Variants in METTL16 observed in about 807,000 individuals in gnomAD.
The protein encoded by METTL16 is methyltransferase 16, RNA N6-adenosine.
METTL16 carries 19 observed loss-of-function variants against 57.9 expected under a neutral mutation model. The observed-to-expected ratio is 0.33, with a 90% CI of 0.23 to 0.48. The LOEUF (loss-of-function observed/expected upper bound fraction) is 0.48, where lower values mean the gene tolerates loss of function less well. METTL16 is among the 20% of genes least tolerant of loss of function. METTL16 has a pLI of 0.99. For missense variants in METTL16, 434 were observed against 691.5 expected (o/e 0.63, Z 4.18); for synonymous variants, 246 against 255.6 (o/e 0.96, Z 0.36).
chr17:2,470,559 A>C (rs543390388), intron 4 of METTL16, among the ~76,000 whole-genome samples: 1 of 152,352 alleles, frequency 6.6e-6, no homozygotes, highest in African/African-American at 2.4e-5. Flanking sequence ...CTGTAACTCC[A>C]GCACTTTGGG....
At chr17:2,429,896 T>C (rs1449656137) in intron 8 of METTL16, among the ~76,000 whole-genome samples, 1 of 149,512 alleles carries the variant, frequency 6.7e-6, no homozygotes, top group African/African-American at 2.5e-5. Flanking sequence ...CAGCAACCTC[T>C]GCCTACCGGG....
chr17:2,463,796 A>T (rs2067170851), intron 6 of METTL16, among the ~76,000 whole-genome samples: 1 of 151,906 alleles, frequency 6.6e-6, no homozygotes, highest in Non-Finnish European at 1.5e-5. Context: ...GAGCACTAGG[A>T]TTACTTTTGC....
At chr17:2,430,503 C>A (rs1026563769) in intron 8 of METTL16, among the ~76,000 whole-genome samples, 1 of 148,006 alleles carries the variant, frequency 6.8e-6, no homozygotes, top group Non-Finnish European at 1.5e-5. Flanking sequence ...GCAAGCTCCG[C>A]CTCCCGGGTT....
At chr17:2,450,011 ACT>A (rs1177645811) in intron 6 of METTL16, among the ~76,000 whole-genome samples, 1 of 152,178 alleles carries the variant, frequency 6.6e-6, no homozygotes, top group Non-Finnish European at 1.5e-5. Context: ...GTCAACGGAA[ACT>A]CTCAGATATT....
rs145829218 is a variant in METTL16, at chr17:2,429,334, G to A, written c.889-8430C>T. On this transcript the variant is annotated intron_variant, in intron 8 of 9. Transcript: ENST00000263092. ...CTCCCAAGTAGATGGGACTACAGGC[G>A]TGTATCATCACACCCGACTAAATTT... Among the ~76,000 whole-genome samples the A allele has an allele frequency of 2.7e-3, 405 of 150,782 alleles. 1 individual carries two copies. The highest frequency in any genetic ancestry group is 9.2e-3 in the African/African-American group (377 of 40,966).
intron 8 of METTL16, among the ~76,000 whole-genome samples, chr17:2,432,998 G>T (rs143922360): frequency 6.6e-6 from 1 of 152,322 alleles, no homozygotes; most frequent in African/African-American, 2.4e-5. Flanking sequence ...ATGCAAGAAG[G>T]TTTTGGTGTT....
chr17:2,495,671 G>C (rs978577366), intron 2 of METTL16, among the ~76,000 whole-genome samples: 5 of 147,762 alleles, frequency 3.4e-5, no homozygotes, highest in Non-Finnish European at 7.4e-5. Context: ...CCCCAGCCTG[G>C]GTGACAGAGA....
At chr17:2,501,740 C>T (rs972472968) in intron 2 of METTL16, among the ~76,000 whole-genome samples, 1 of 151,974 alleles carries the variant, frequency 6.6e-6, no homozygotes, top group African/African-American at 2.4e-5. Context: ...CGCCTGTAAT[C>T]CCAGCTACTC....
chr17:2,417,916 T>C lies in METTL16; in HGVS notation c.*2054A>G, dbSNP rs1308605650. The C allele has an allele frequency of 6.6e-6, 1 of 152,196 alleles. No homozygotes were observed. Among genetic ancestry groups the C allele is most frequent in the East Asian group, 1.9e-4 (1 of 5,206 alleles). The allele number at this position is 152,196 out of a possible 1,614,324, so 9.4% of individuals were successfully genotyped here. On this transcript the variant is annotated 3_prime_UTR_variant, in exon 10 of 10. Coordinates refer to ENST00000263092, the MANE Select transcript of METTL16 (RefSeq NM_024086.4). ...CACTTAAACAATTATCCTAAAATTA[T>C]ACCAAGGAAACTAGGTTTGGGCCCA...
Position 2,420,815 on chromosome 17 carries a change from G to A in METTL16, c.978C>T (p.Leu326=), listed in dbSNP as rs758334891. 1 of 1,614,242 alleles carries A rather than the reference G, an allele frequency of 6.2e-7. No individual in the cohort carries two copies. The change falls in exon 9 of 10, where the codon CTC becomes CTT. Residue 326 remains leucine, a synonymous_variant. Coordinates refer to ENST00000263092, the MANE Select transcript of METTL16 (RefSeq NM_024086.4). This position sits in a 1 kb window ranked among gnomAD's most constrained non-coding sequence, Gnocchi z 5.4. The part of the protein sequence containing the change: ...VLASVMKELS[L]KASPLRSETA... ...TCTCCGAGCGCAGAGGTGATGCTTTGAGGGATAATTCCTTCATCACGGACG... is the reference window on the plus strand; with the variant it reads ...TCTCCGAGCGCAGAGGTGATGCTTTAAGGGATAATTCCTTCATCACGGACG...
intron 2 of METTL16, among the ~76,000 whole-genome samples, chr17:2,497,153 G>A (rs967629399): frequency 3.3e-5 from 5 of 150,456 alleles, no homozygotes; most frequent in Admixed American, 6.6e-5. Context: ...TCACAAGTGC[G>A]CACCATCACG....
intron 2 of METTL16, among the ~76,000 whole-genome samples, chr17:2,490,186 TC>T (rs139933534): frequency 0.03 from 4,556 of 152,254 alleles, 95 homozygotes; most frequent in Non-Finnish European, 0.048. Flanking sequence ...GGTGGAGACT[TC>T]CTTCACCTCA....
At position 2,420,979 on chromosome 17, in the gene METTL16, C is replaced by CA. The variant is rs1555614306; in HGVS notation, c.889-76dup. 4.0e-6 allele frequency: 6 copies of CA among 1,513,960 alleles called. No homozygotes were observed. Among genetic ancestry groups the CA allele is most frequent in the Non-Finnish European group, 4.5e-6 (5 of 1,115,818 alleles). 93.8% of individuals were successfully genotyped at this position (1,513,960 alleles called of 1,614,324 possible). ...TAAACCTCATGCATTGTAATGAACTCAGAGAAAATTTCCACAACTTCTGCT... is the reference window on the plus strand; with the variant it reads ...TAAACCTCATGCATTGTAATGAACTCAAGAGAAAATTTCCACAACTTCTGCT... On this transcript the variant is annotated intron_variant, in intron 8 of 9. Coordinates refer to ENST00000263092, the MANE Select transcript of METTL16 (RefSeq NM_024086.4). The surrounding 1 kb of genome is among the most constrained non-coding windows in gnomAD (Gnocchi z 5.4).
At chr17:2,486,734 T>G (rs192090550) in intron 2 of METTL16, among the ~76,000 whole-genome samples, 4,767 of 151,542 alleles carry the variant, frequency 0.031, 260 homozygotes, top group African/African-American at 0.11. Flanking sequence ...GCACTTTGGG[T>G]GGCTGAGGTG....
intron 2 of METTL16, among the ~76,000 whole-genome samples, chr17:2,486,172 C>T (rs936620532): frequency 3.3e-5 from 5 of 152,036 alleles, no homozygotes; most frequent in African/African-American, 4.8e-5. Flanking sequence ...TTCCAGATTA[C>T]GTAGGGCATT....
chr17:2,477,630 G>A (rs1393101491), intron 3 of METTL16, 56 bp downstream of exon 3: 1 of 1,316,426 alleles, frequency 7.6e-7, no homozygotes, highest in African/African-American at 1.5e-5. Flanking sequence ...CAAAGAATTT[G>A]ATCTCGCAAA....
Position 2,502,480 on chromosome 17 carries a change from T to C in METTL16, c.1-149A>G. 3 of 610,928 alleles carry C rather than the reference T, an allele frequency of 4.9e-6. No homozygotes were observed. The South Asian group carries it at 7.2e-5, about 15-fold the overall frequency. 37.8% of individuals were successfully genotyped at this position (610,928 alleles called of 1,614,324 possible). On this transcript the variant is annotated intron_variant, in intron 1 of 9. Transcript: ENST00000263092. ...GATTCAGGAGTTCAAGACCATCCCA[T>C]CCTGGCCAACATGATGGGATGAAAG...
rs2067214083 is a variant in METTL16, at chr17:2,468,020, T to C, written c.470-144A>G. On this transcript the variant is annotated intron_variant, in intron 4 of 9. Transcript: ENST00000263092. ...TATAACACCACATTTTTACTGTACC[T>C]TTTCTATGTTTGATATGCTTAGATA... 5 of 620,044 alleles carry C rather than the reference T, an allele frequency of 8.1e-6. No individual in the cohort carries two copies. In the Admixed American group the frequency reaches 1.4e-4, roughly 18 times the overall value. 38.4% of individuals were successfully genotyped at this position (620,044 alleles called of 1,614,324 possible).
At chr17:2,458,163 G>C (rs2067124454) in intron 6 of METTL16, among the ~76,000 whole-genome samples, 2 of 151,936 alleles carry the variant, frequency 1.3e-5, no homozygotes, top group Admixed American at 1.3e-4. Flanking sequence ...TATAGGTATG[G>C]GCCACTGTGC....
Sources: gnomAD v4.1 joint callset for allele counts (sites outside exome capture counted in the v4.1 genomes callset) on GRCh38, gnomAD v4.1.1 for gene constraint, Gnocchi (gnomAD v3.1) non-coding constraint, MANE v1.5 for transcripts, NCBI Gene and HGNC (gene_info 2026-07-23, HGNC 2026-07-21) for gene names.